COL4A2: variants seen among roughly 807,000 people sequenced by gnomAD.
The protein encoded by COL4A2 is collagen alpha-2(IV) chain.
A neutral mutation model predicts 200.2 loss-of-function variants in COL4A2; 99 were observed. The ratio of observed to expected loss-of-function variants is 0.49; its 90% CI spans 0.42 to 0.58. The LOEUF is 0.58. COL4A2 is among the 20% of genes least tolerant of loss of function. The pLI, the probability that COL4A2 is intolerant of heterozygous loss-of-function variation, is 0.00. For missense variants in COL4A2, 1,950 were observed against 2,314.1 expected (o/e 0.84, Z 3.23); for synonymous variants, 897 against 900.6 (o/e 1.00, Z 0.07).
At chr13:110,403,265 T>C (rs1361832550) in intron 4 of COL4A2, among the ~76,000 whole-genome samples, 2 of 152,250 alleles carry the variant, frequency 1.3e-5, no homozygotes, top group African/African-American at 4.8e-5. Context: ...CTGCTCTCTG[T>C]TTCTTGATAA....
intron 4 of COL4A2, among the ~76,000 whole-genome samples, chr13:110,403,934 G>A (rs1461207878): frequency 6.6e-6 from 1 of 152,208 alleles, no homozygotes; most frequent in Non-Finnish European, 1.5e-5. Context: ...TGTCTGGTAA[G>A]AGCTCTCTGC....
intron 3 of COL4A2, among the ~76,000 whole-genome samples, chr13:110,354,475 G>A (rs1343763210): frequency 2.0e-5 from 3 of 152,152 alleles, no homozygotes; most frequent in Non-Finnish European, 2.9e-5. Flanking sequence ...TGTTTTCAGG[G>A]CGTGAGAGGA....
chr13:110,428,406 C>T, intron 6 of COL4A2, 61 bp from the exon 7 acceptor site: 2 of 974,682 alleles, frequency 2.1e-6, no homozygotes, highest in South Asian at 2.9e-5. Flanking sequence ...TTTTATCTCA[C>T]AGTTACATGA....
At chr13:110,491,427 C>T (rs1276587962) in intron 37 of COL4A2, 87 bp downstream of exon 37, 5 of 865,870 alleles carry the variant, frequency 5.8e-6, no homozygotes, top group Non-Finnish European at 7.6e-6. Context: ...TCAATTTCCT[C>T]CAATCACACC....
chr13:110,498,379 G>A (rs2139545648), intron 40 of COL4A2, among the ~76,000 whole-genome samples: 1 of 152,304 alleles, frequency 6.6e-6, no homozygotes, highest in Admixed American at 6.5e-5. Flanking sequence ...CAGCAACGGG[G>A]AAGACTTGGC....
chr13:110,345,641 A>T (rs1876663364), intron 3 of COL4A2, among the ~76,000 whole-genome samples: 1 of 152,210 alleles, frequency 6.6e-6, no homozygotes, highest in South Asian at 2.1e-4. Context: ...GGTTAATACC[A>T]GAAGCACCCA....
intron 45 of COL4A2, among the ~76,000 whole-genome samples, chr13:110,506,057 G>GA (rs1883850105): frequency 6.6e-6 from 1 of 152,184 alleles, no homozygotes; most frequent in South Asian, 2.1e-4. Flanking sequence ...GGAGAGCGAT[G>GA]GTTCTAGGCG....
At chr13:110,477,836 T>C in intron 29 of COL4A2, 167 bp from the exon 30 acceptor site, 1 of 565,736 alleles carries the variant, frequency 1.8e-6, no homozygotes, top group East Asian at 3.5e-5. Context: ...GGTGATGGTG[T>C]GCCTTACCTG....
intron 3 of COL4A2, among the ~76,000 whole-genome samples, chr13:110,321,225 T>C (rs202171521): frequency 0.042 from 6,060 of 143,500 alleles, 537 homozygotes; most frequent in East Asian, 0.39. Context: ...TATATATATA[T>C]ACACACACAC....
intron 20 of COL4A2, among the ~76,000 whole-genome samples, chr13:110,451,047 A>C (rs138237052): frequency 6.6e-6 from 1 of 152,226 alleles, no homozygotes; most frequent in African/African-American, 2.4e-5. Context: ...ATGAAAGTCA[A>C]TAAAGCCGGC....
intron 4 of COL4A2, among the ~76,000 whole-genome samples, chr13:110,364,028 C>A: frequency 6.6e-6 from 1 of 152,180 alleles, no homozygotes; most frequent in East Asian, 1.9e-4. Context: ...AAGATGTGGG[C>A]ATGTGTGGAA....
chr13:110,373,057 A>G (rs1407897852), intron 4 of COL4A2, among the ~76,000 whole-genome samples: 2 of 152,190 alleles, frequency 1.3e-5, no homozygotes, highest in Non-Finnish European at 2.9e-5. Context: ...CTGAGTTGGG[A>G]TGTCTGTTAC....
At position 110,478,172 on chromosome 13, in the gene COL4A2, C is replaced by T. The variant is rs2281974; in HGVS notation, c.2587+8C>T. On this transcript the variant is annotated splice_region_variant and intron_variant, in intron 30 of 47. Coordinates refer to ENST00000360467, the MANE Select transcript of COL4A2 (RefSeq NM_001846.4). ...GAATCCCAGGCCGTGAAGGTAAGAC[C>T]CCAGCCCTCCCATAAACGAGTGGGG... is the stretch of plus-strand genomic sequence containing the variant. 0.34 allele frequency: 537,506 copies of T among 1,569,294 alleles called. 95,696 individuals carry two copies. Among genetic ancestry groups the T allele is most frequent in the African/African-American group, 0.55 (40,344 of 73,574 alleles).
At chr13:110,486,087 C>A (rs1883111768) in intron 34 of COL4A2, among the ~76,000 whole-genome samples, 1 of 152,144 alleles carries the variant, frequency 6.6e-6, no homozygotes, top group African/African-American at 2.4e-5. Context: ...ATGTTGTCTG[C>A]ATTTTTCATG....
chr13:110,393,121 T>C (rs1879050822), intron 4 of COL4A2, among the ~76,000 whole-genome samples: 1 of 152,168 alleles, frequency 6.6e-6, no homozygotes, highest in Admixed American at 6.5e-5. Flanking sequence ...AGTATGGAGG[T>C]TGGCTTCAAA....
At chr13:110,447,548 C>T (rs754298800) in intron 18 of COL4A2, among the ~76,000 whole-genome samples, 3 of 152,020 alleles carry the variant, frequency 2.0e-5, no homozygotes, top group African/African-American at 4.8e-5. Context: ...TTGTAGAATG[C>T]GCATCCTTCT....
chr13:110,320,152 G>A (rs1400774501), intron 3 of COL4A2, among the ~76,000 whole-genome samples: 3 of 152,230 alleles, frequency 2.0e-5, no homozygotes, highest in Non-Finnish European at 4.4e-5. Flanking sequence ...CGCATACTGG[G>A]CTCTCCTTTT....
chr13:110,509,270 T>TATATATATATATATATATATACACACAC (rs1435137108), intron 47 of COL4A2, among the ~76,000 whole-genome samples: 1 of 115,600 alleles, frequency 8.7e-6, no homozygotes, highest in African/African-American at 3.5e-5. Flanking sequence ...TATATATATA[T>TATATATATATATATATATATACACACAC]ACACACACAC....
In COL4A2 at chr13:110,458,883, G is replaced by C. The variant is rs536150098; in HGVS notation, c.1545G>C (p.Gly515=). 72 of 1,609,558 alleles carry C rather than the reference G, an allele frequency of 4.5e-5. No homozygotes were observed. The South Asian group carries it at 7.1e-4, about 16-fold the overall frequency. The change falls in exon 22 of 48, where the codon GGG becomes GGC. Residue 515 remains glycine, a synonymous_variant. Coordinates refer to ENST00000360467, the MANE Select transcript of COL4A2 (RefSeq NM_001846.4). ...TCAACGGGGAGCCGGGGAGGAAAGG[G>C]GACAGAGGAGACCCCGGCCAACACG... ...AGINGEPGRK[G]DRGDPGQHGL...
Sources: gnomAD v4.1 joint callset for allele counts (sites outside exome capture counted in the v4.1 genomes callset) on GRCh38, gnomAD v4.1.1 for gene constraint, MANE v1.5 for transcripts, NCBI Gene and HGNC (gene_info 2026-07-23, HGNC 2026-07-21) for gene names.